The following DCC variants were observed in gnomAD, a reference collection of about 807,000 sequenced individuals.
The protein encoded by DCC is DCC netrin 1 receptor.
A neutral mutation model predicts 172.5 loss-of-function variants in DCC; 58 were observed. That is an observed-to-expected ratio of 0.34 (90% CI 0.27 to 0.42). The LOEUF (loss-of-function observed/expected upper bound fraction) is 0.42. DCC is among the 10% of genes least tolerant of loss of function. The pLI, the probability that DCC is intolerant of heterozygous loss-of-function variation, is 1.00. For missense variants in DCC, 1,740 were observed against 1,791.0 expected, an observed-to-expected ratio of 0.97 and a Z score of 0.51; for synonymous variants, 709 against 644.5, an observed-to-expected ratio of 1.10 and a Z score of -1.52.
intron 15 of DCC, among the ~76,000 whole-genome samples, chr18:53,361,977 C>A (rs1246714902): frequency 6.6e-6 from 1 of 152,038 alleles, no homozygotes; most frequent in African/African-American, 2.4e-5. Context: ...CAAAACAGTA[C>A]TTATGGAAAG....
At chr18:52,664,800 T>A (rs1599000342) in intron 1 of DCC, among the ~76,000 whole-genome samples, 1 of 152,244 alleles carries the variant, frequency 6.6e-6, no homozygotes, top group East Asian at 1.9e-4. Context: ...AATGCAAAAA[T>A]CCTACTGATA....
chr18:53,233,943 G>C (rs1388306828), intron 12 of DCC, among the ~76,000 whole-genome samples: 1 of 151,664 alleles, frequency 6.6e-6, no homozygotes, highest in Non-Finnish European at 1.5e-5. Flanking sequence ...GTGAAACCTT[G>C]TCACTACTAA....
At chr18:52,528,307 T>C (rs1000660034) in intron 1 of DCC, among the ~76,000 whole-genome samples, 3 of 152,232 alleles carry the variant, frequency 2.0e-5, no homozygotes, top group Non-Finnish European at 4.4e-5. Flanking sequence ...TATTCCAAGA[T>C]ATATTTCGAA....
intron 20 of DCC, among the ~76,000 whole-genome samples, chr18:53,412,614 G>A (rs963712572): frequency 4.6e-5 from 7 of 151,330 alleles, no homozygotes; most frequent in African/African-American, 1.7e-4. Context: ...TGAGACAAAG[G>A]CTTAGATGTC....
At chr18:52,539,864 T>C (rs2032389655) in intron 1 of DCC, among the ~76,000 whole-genome samples, 2 of 152,178 alleles carry the variant, frequency 1.3e-5, no homozygotes, top group South Asian at 4.1e-4. Flanking sequence ...GATAAATATG[T>C]ATAAATTTTA....
chr18:52,872,776 T>G lies in DCC; in HGVS notation c.413-33268T>G, dbSNP rs975278033. Among the ~76,000 whole-genome samples the G allele has an allele frequency of 4.6e-5, 7 of 152,144 alleles. No homozygotes were observed. In the South Asian group the frequency reaches 8.3e-4, roughly 18 times the overall value. ...TCATGCACTGATCTGCTGGTTATAT[T>G]TCATTATAAATAGGGGTTAGTGGCC... On this transcript the variant is annotated intron_variant, in intron 2 of 28. Transcript: ENST00000442544.
At chr18:53,156,835 T>C (rs900379690) in intron 7 of DCC, among the ~76,000 whole-genome samples, 2 of 152,216 alleles carry the variant, frequency 1.3e-5, no homozygotes, top group Non-Finnish European at 2.9e-5. Context: ...TATTCATTTA[T>C]CCATATTTTT....
At chr18:53,157,544 A>G (rs2054763012) in intron 8 of DCC, 32 bp downstream of exon 8, 2 of 1,611,556 alleles carry the variant, frequency 1.2e-6, no homozygotes, top group Non-Finnish European at 1.7e-6. Context: ...ATTCAGCTTA[A>G]TCGGTCATCT....
intron 1 of DCC, among the ~76,000 whole-genome samples, chr18:52,479,684 T>G (rs1214875795): frequency 3.3e-5 from 5 of 151,530 alleles, no homozygotes; most frequent in Admixed American, 3.3e-4. Flanking sequence ...TCCATTCAAG[T>G]GTAATTTGAG....
intron 15 of DCC, among the ~76,000 whole-genome samples, chr18:53,375,968 G>C (rs779080529): frequency 6.6e-6 from 1 of 152,064 alleles, no homozygotes; most frequent in Admixed American, 6.5e-5. Flanking sequence ...AAAGGCACTC[G>C]GGTCTTACCT....
intron 27 of DCC, 96 bp downstream of exon 27, chr18:53,499,606 A>G (rs1038654805): frequency 1.0e-6 from 1 of 992,274 alleles, no homozygotes; most frequent in South Asian, 1.3e-5. Context: ...GATGTCATAT[A>G]TCTTTTCAAT....
chr18:53,525,458 A>G (rs2046444304), intron 27 of DCC, among the ~76,000 whole-genome samples: 1 of 152,138 alleles, frequency 6.6e-6, no homozygotes, highest in Non-Finnish European at 1.5e-5. Flanking sequence ...AAAGGTATAA[A>G]TATGAAGAAA....
chr18:53,206,973 G>A (rs2055661225), intron 10 of DCC, among the ~76,000 whole-genome samples: 1 of 151,976 alleles, frequency 6.6e-6, no homozygotes, highest in African/African-American at 2.4e-5. Context: ...ATGTAATCAT[G>A]GGTTGTATTT....
At chr18:53,464,801 A>G (rs1345510068) in intron 24 of DCC, among the ~76,000 whole-genome samples, 1 of 151,692 alleles carries the variant, frequency 6.6e-6, no homozygotes, top group Non-Finnish European at 1.5e-5. Context: ...ACCAACATGG[A>G]GAAACCCCTC....
chr18:52,805,899 T>A (rs2038075640), intron 2 of DCC, among the ~76,000 whole-genome samples: 1 of 152,200 alleles, frequency 6.6e-6, no homozygotes, highest in African/African-American at 2.4e-5. Flanking sequence ...TATCCTCTTT[T>A]TATTTGAAAG....
intron 1 of DCC, among the ~76,000 whole-genome samples, chr18:52,429,388 G>GA (rs942836916): frequency 1.3e-5 from 2 of 151,788 alleles, no homozygotes; most frequent in East Asian, 3.9e-4. Flanking sequence ...TGAATTTTCT[G>GA]AAAAAAACAA....
chr18:52,571,206 T>A (rs1420792068), intron 1 of DCC, among the ~76,000 whole-genome samples: 2 of 152,020 alleles, frequency 1.3e-5, no homozygotes, highest in African/African-American at 2.4e-5. Flanking sequence ...CTCCAATGTG[T>A]GGAGTCTTAT....
At chr18:52,484,369 C>T (rs2030106298) in intron 1 of DCC, among the ~76,000 whole-genome samples, 1 of 151,958 alleles carries the variant, frequency 6.6e-6, no homozygotes, top group African/African-American at 2.4e-5. Context: ...ATCTGTTTTG[C>T]CTGAAGGGAG....
At chr18:53,143,114 G>A (rs146118491) in intron 7 of DCC, among the ~76,000 whole-genome samples, 1 of 152,092 alleles carries the variant, frequency 6.6e-6, no homozygotes, top group Admixed American at 6.5e-5. Flanking sequence ...AGTGGTGGCT[G>A]AGTTGGCCAG....
Sources: gnomAD v4.1 joint callset for allele counts (sites outside exome capture counted in the v4.1 genomes callset) on GRCh38, gnomAD v4.1.1 for gene constraint, MANE v1.5 for transcripts, NCBI Gene and HGNC (gene_info 2026-07-23, HGNC 2026-07-21) for gene names.